PTPN4: variants seen among roughly 807,000 people sequenced by gnomAD.
PTPN4 encodes the protein tyrosine-protein phosphatase non-receptor type 4.
In PTPN4, 49 loss-of-function variants were observed where a neutral mutation model predicts 135.5. That is an observed-to-expected ratio of 0.36 (90% CI 0.29 to 0.46). The LOEUF (loss-of-function observed/expected upper bound fraction) is 0.46, where lower values mean the gene tolerates loss of function less well. Among genes scored for constraint, PTPN4 ranks in the 20% least tolerant of loss-of-function variants. PTPN4 has a pLI of 1.00. For missense variants in PTPN4, 860 were observed against 1,101.0 expected (o/e 0.78, Z 3.10); for synonymous variants, 333 against 369.9 (o/e 0.90, Z 1.14).
intron 13 of PTPN4, among the ~76,000 whole-genome samples, chr2:119,929,300 G>GTAA (rs938025208): frequency 2.0e-5 from 3 of 151,952 alleles, no homozygotes; most frequent in African/African-American, 7.2e-5. Flanking sequence ...AATGGTTTTA[G>GTAA]TAATTATTAA....
chr2:119,775,266 C>G (rs1354170722), intron 1 of PTPN4, among the ~76,000 whole-genome samples: 3 of 152,026 alleles, frequency 2.0e-5, no homozygotes, highest in Non-Finnish European at 4.4e-5. Context: ...TGCTAACCCC[C>G]GAGCCTTGAT....
At chr2:119,910,459 C>T (rs1678555115) in intron 10 of PTPN4, among the ~76,000 whole-genome samples, 1 of 151,946 alleles carries the variant, frequency 6.6e-6, no homozygotes, top group Admixed American at 6.6e-5. Flanking sequence ...CATTACAGAC[C>T]CTACATACAT....
chr2:119,781,315 A>C (rs1690934018), intron 1 of PTPN4, among the ~76,000 whole-genome samples: 1 of 152,146 alleles, frequency 6.6e-6, no homozygotes, highest in Admixed American at 6.5e-5. Flanking sequence ...TCTAGGTTCT[A>C]GTGGATAATT....
intron 9 of PTPN4, among the ~76,000 whole-genome samples, chr2:119,886,801 A>G (rs1678160282): frequency 6.6e-6 from 1 of 152,192 alleles, no homozygotes; most frequent in Non-Finnish European, 1.5e-5. Flanking sequence ...TTACCTGACC[A>G]TGTTCTGGGA....
At chr2:119,849,711 A>G (rs953419501) in intron 2 of PTPN4, among the ~76,000 whole-genome samples, 1 of 152,286 alleles carries the variant, frequency 6.6e-6, no homozygotes, top group Non-Finnish European at 1.5e-5. Flanking sequence ...TGATTGAACT[A>G]TTTTAGCCTC....
At chr2:119,818,882 T>G (rs1206635012) in intron 2 of PTPN4, among the ~76,000 whole-genome samples, 1 of 152,110 alleles carries the variant, frequency 6.6e-6, no homozygotes. Context: ...TCAAGATATC[T>G]CTCCTCCGAG....
chr2:119,896,769 C>G (rs1404641759), intron 9 of PTPN4, among the ~76,000 whole-genome samples: 14 of 151,512 alleles, frequency 9.2e-5, no homozygotes, highest in Admixed American at 4.6e-4. Context: ...ATGTTTGATT[C>G]TTTTCCTTTT....
At chr2:119,858,728 G>C (rs1055983417) in intron 2 of PTPN4, among the ~76,000 whole-genome samples, 1 of 151,882 alleles carries the variant, frequency 6.6e-6, no homozygotes, top group Non-Finnish European at 1.5e-5. Context: ...TGCCTCCCAG[G>C]TTCAAGCGGT....
chr2:119,827,867 G>A (rs1465498681), intron 2 of PTPN4, among the ~76,000 whole-genome samples: 1 of 152,048 alleles, frequency 6.6e-6, no homozygotes, highest in Non-Finnish European at 1.5e-5. Context: ...TTTCCCCATT[G>A]CTGTATAATA....
chr2:119,826,457 G>C (rs936749102), intron 2 of PTPN4, among the ~76,000 whole-genome samples: 1 of 152,182 alleles, frequency 6.6e-6, no homozygotes, highest in Non-Finnish European at 1.5e-5. Context: ...ATTCCTAAAT[G>C]GGGCAGACTT....
intron 19 of PTPN4, 87 bp downstream of exon 19, chr2:119,952,216 C>T (rs900883570): frequency 1.4e-5 from 18 of 1,267,506 alleles, no homozygotes; most frequent in Non-Finnish European, 1.7e-5. Context: ...TGACATAAAA[C>T]ATAAGTCACC....
At chr2:119,786,994 A>G (rs371937461) in intron 1 of PTPN4, among the ~76,000 whole-genome samples, 1 of 152,192 alleles carries the variant, frequency 6.6e-6, no homozygotes, top group African/African-American at 2.4e-5. Context: ...ACACCTTATT[A>G]TACCTTTATG....
Position 119,930,610 on chromosome 2 carries a change from A to C in PTPN4, c.1071-1814A>C, listed in dbSNP as rs187829762. On this transcript the variant is annotated intron_variant, in intron 13 of 26. Coordinates refer to ENST00000263708, the MANE Select transcript of PTPN4 (RefSeq NM_002830.4). ...ATTATTTTAATGCTTCCTACTGTACACATAATAACAATTTGTTCAGTTCTC... is the reference window on the plus strand; with the variant it reads ...ATTATTTTAATGCTTCCTACTGTACCCATAATAACAATTTGTTCAGTTCTC... Among the ~76,000 whole-genome samples the C allele has an allele frequency of 2.0e-4, 30 of 152,258 alleles. No homozygotes were observed. The East Asian group carries it at 5.8e-3, about 29-fold the overall frequency.
At chr2:119,809,771 C>A (rs563285575) in intron 1 of PTPN4, 66 bp from the exon 2 acceptor site, 2 of 1,330,404 alleles carry the variant, frequency 1.5e-6, no homozygotes, top group East Asian at 4.8e-5. Context: ...AATAACTTTG[C>A]CTTTTAAACT....
At position 119,773,279 on chromosome 2, in the gene PTPN4, CAT is replaced by C. The variant is rs1252615824; in HGVS notation, c.-18+12897_-18+12898del. Among the ~76,000 whole-genome samples the C allele has an allele frequency of 4.6e-5, 7 of 152,178 alleles. No individual in the cohort carries two copies. In the East Asian group the frequency reaches 1.4e-3, roughly 29 times the overall value. ...GAAAATGCTACAAGTTGAAAACGCA[CAT>C]ACAGCTGATGTTTGAACAACATGGA... On this transcript the variant is annotated intron_variant, in intron 1 of 26. Coordinates refer to ENST00000263708, the MANE Select transcript of PTPN4 (RefSeq NM_002830.4).
intron 5 of PTPN4, among the ~76,000 whole-genome samples, chr2:119,878,821 C>T (rs186675566): frequency 6.6e-6 from 1 of 151,110 alleles, no homozygotes; most frequent in Non-Finnish European, 1.5e-5. Flanking sequence ...TGGCCGGGTG[C>T]AGTGGCTCAC....
At chr2:119,892,804 C>T (rs528619946) in intron 9 of PTPN4, among the ~76,000 whole-genome samples, 4 of 151,880 alleles carry the variant, frequency 2.6e-5, no homozygotes, top group Admixed American at 2.0e-4. Context: ...TTACTGCAGC[C>T]TTGGTCTCTT....
intron 11 of PTPN4, among the ~76,000 whole-genome samples, chr2:119,919,848 T>C (rs911225042): frequency 1.2e-4 from 18 of 147,104 alleles, no homozygotes; most frequent in African/African-American, 4.5e-4. Flanking sequence ...AAAAAAAGAC[T>C]GAGTTAGGTC....
At chr2:119,975,515 C>T (rs796159704) in intron 26 of PTPN4, among the ~76,000 whole-genome samples, 37 of 152,306 alleles carry the variant, frequency 2.4e-4, no homozygotes, top group African/African-American at 8.2e-4. Flanking sequence ...CACCTGAGGT[C>T]AGGAGTTCAA....
Sources: gnomAD v4.1 joint callset for allele counts (sites outside exome capture counted in the v4.1 genomes callset) on GRCh38, gnomAD v4.1.1 for gene constraint, MANE v1.5 for transcripts, NCBI Gene and HGNC (gene_info 2026-07-23, HGNC 2026-07-21) for gene names.